PHF21A: variants seen among roughly 807,000 people sequenced by gnomAD.
PHF21A encodes PHD finger protein 21A, also known as BHC80a.
A neutral mutation model predicts 82.5 loss-of-function variants in PHF21A; 11 were observed. The observed-to-expected ratio is 0.13, with a 90% CI of 0.08 to 0.22. The LOEUF is 0.22. PHF21A is among the 10% of genes least tolerant of loss of function. The pLI is 1.00. For missense variants in PHF21A, 579 were observed against 837.8 expected, an observed-to-expected ratio of 0.69 and a Z score of 3.81; for synonymous variants, 297 against 302.8, an observed-to-expected ratio of 0.98 and a Z score of 0.20.
intron 4 of PHF21A, chr11:46,083,692 A>C (rs993045878): frequency 6.6e-6 from 1 of 152,316 alleles, no homozygotes; most frequent in African/African-American, 2.4e-5. Context: ...CTTTTTGTAA[A>C]ATATAAGAAT....
At chr11:46,058,415 C>CT (rs993459545) in intron 6 of PHF21A, among the ~76,000 whole-genome samples, 1 of 152,098 alleles carries the variant, frequency 6.6e-6, no homozygotes, top group African/African-American at 2.4e-5. Flanking sequence ...TAACAGCTGA[C>CT]TAAAAAGGGC....
intron 11 of PHF21A, among the ~76,000 whole-genome samples, chr11:45,951,553 C>T (rs973824207): frequency 6.6e-6 from 1 of 152,192 alleles, no homozygotes; most frequent in Non-Finnish European, 1.5e-5. Flanking sequence ...GTTGAAATGA[C>T]ATACACTTTG....
At chr11:45,986,488 C>T (rs1047268367) in intron 6 of PHF21A, among the ~76,000 whole-genome samples, 5 of 152,036 alleles carry the variant, frequency 3.3e-5, no homozygotes, top group African/African-American at 9.7e-5. Flanking sequence ...TAACATACGA[C>T]GATGCTGCAG....
At chr11:45,973,025 C>T (rs934916527) in intron 7 of PHF21A, among the ~76,000 whole-genome samples, 1 of 152,112 alleles carries the variant, frequency 6.6e-6, no homozygotes, top group African/African-American at 2.4e-5. Context: ...CTGCAGTGAG[C>T]CGAGATCACA....
chr11:45,946,038 C>T lies in PHF21A; in HGVS notation c.1289-35G>A, dbSNP rs373530483. 47 of 1,613,662 alleles carry T rather than the reference C, an allele frequency of 2.9e-5. 1 individual carries two copies. The Middle Eastern group carries it at 9.9e-4, about 34-fold the overall frequency. On this transcript the variant is annotated intron_variant, in intron 14 of 18. Transcript: ENST00000676320. ...AAGAGAAGGGAACAAAAGGGAAAAA[C>T]GGGGAGGGAAAGAGAGGGGGAAAAT...
chr11:45,994,834 T>G (rs1213996112), intron 6 of PHF21A, among the ~76,000 whole-genome samples: 8 of 152,216 alleles, frequency 5.3e-5, no homozygotes, highest in African/African-American at 1.9e-4. Context: ...GACACACTAG[T>G]AACAGTTTGT....
rs57387891 is a variant in PHF21A at position 46,114,086 on chromosome 11, T to TACAC, written c.-237+6845_-237+6848dup. On this transcript the variant is annotated intron_variant, in intron 1 of 18. Transcript: ENST00000676320. ...CCTCCATTCCTCACCTCTAATTCCC[T>TACAC]ACACACACACACACACACGCACACA... is the stretch of plus-strand genomic sequence containing the variant. Among the ~76,000 whole-genome samples the TACAC allele has an allele frequency of 7.5e-3, 1,125 of 149,154 alleles. 14 individuals carry two copies. Among genetic ancestry groups the TACAC allele is most frequent in the African/African-American group, 0.026 (1,035 of 40,224 alleles).
At chr11:46,001,958 T>C (rs940299824) in intron 6 of PHF21A, among the ~76,000 whole-genome samples, 2 of 152,122 alleles carry the variant, frequency 1.3e-5, no homozygotes, top group African/African-American at 4.8e-5. Flanking sequence ...AAAAACTAGA[T>C]GGGGAGAAAA....
intron 6 of PHF21A, among the ~76,000 whole-genome samples, chr11:46,051,220 T>C (rs2096359792): frequency 6.6e-6 from 1 of 152,170 alleles, no homozygotes; most frequent in African/African-American, 2.4e-5. Flanking sequence ...TTATACTAGA[T>C]CTAATCATTG....
intron 1 of PHF21A, among the ~76,000 whole-genome samples, chr11:46,093,082 C>T (rs1331536330): frequency 6.6e-6 from 1 of 152,128 alleles, no homozygotes; most frequent in African/African-American, 2.4e-5. Context: ...GATTGTAAAC[C>T]ACATACACAA....
rs78917538 is a variant in PHF21A, at chr11:46,110,736, C to A, written c.-237+10199G>T. On this transcript the variant is annotated intron_variant, in intron 1 of 18. Transcript: ENST00000676320. ...GAAGCATATCAGACCAGATTCCATA[C>A]ATTTTGGACACATCTAAGGAATCTA... 8.3e-4 allele frequency among the ~76,000 whole-genome samples: 126 copies of A among 152,046 alleles called. 1 individual carries two copies. In the East Asian group the frequency reaches 0.024, roughly 28 times the overall value.
intron 4 of PHF21A, among the ~76,000 whole-genome samples, chr11:46,079,579 G>A (rs1224934043): frequency 6.6e-6 from 1 of 152,172 alleles, no homozygotes; most frequent in African/African-American, 2.4e-5. Context: ...TACAGATTTG[G>A]CAGGTCTATT....
intron 6 of PHF21A, among the ~76,000 whole-genome samples, chr11:46,051,805 G>T (rs1277759267): frequency 2.0e-5 from 3 of 152,204 alleles, no homozygotes; most frequent in East Asian, 1.9e-4. Context: ...AGAAACAAAG[G>T]TGATGGGGGT....
chr11:45,937,136 A>G (rs1433604703), intron 16 of PHF21A, among the ~76,000 whole-genome samples: 1 of 152,238 alleles, frequency 6.6e-6, no homozygotes, highest in Non-Finnish European at 1.5e-5. Context: ...CTGCAGGATG[A>G]GGACAATATT....
At chr11:46,015,653 T>C (rs1404485932) in intron 6 of PHF21A, among the ~76,000 whole-genome samples, 1 of 152,178 alleles carries the variant, frequency 6.6e-6, no homozygotes, top group Non-Finnish European at 1.5e-5. Flanking sequence ...TTTTTAAATA[T>C]TTAAATTTTT....
In PHF21A at chr11:45,974,887, T is replaced by C. The variant is rs534995110; in HGVS notation, c.361-3520A>G. ...GTCCTTTATTTTGACAAAACCCAAA[T>C]TGCATGAGCTAGAAGTTAATGCAGA... On this transcript the variant is annotated intron_variant, in intron 7 of 18. Transcript: ENST00000676320. Among the ~76,000 whole-genome samples the C allele has an allele frequency of 3.3e-4, 51 of 152,342 alleles. No individual in the cohort carries two copies. The South Asian group carries it at 8.1e-3, about 24-fold the overall frequency.
chr11:46,120,805 C>G (rs1853073869), intron 1 of PHF21A, 130 bp downstream of exon 1: 1 of 150,714 alleles, frequency 6.6e-6, no homozygotes, highest in African/African-American at 2.5e-5. Context: ...CAAACACCAG[C>G]GACAAGACAG....
rs552344138 is a variant in PHF21A at position 46,084,070 on chromosome 11, T to G, written c.54+96A>C. ...CTCTTGGACAAAATTGTCTTAAAGA[T>G]TATTAAAAACTATACTAAACACCAG... is the stretch of plus-strand genomic sequence containing the variant. On this transcript the variant is annotated intron_variant, in intron 4 of 18. Transcript: ENST00000676320. The G allele has an allele frequency of 1.1e-5, 10 of 900,778 alleles. No individual in the cohort carries two copies. In the South Asian group the frequency reaches 1.8e-4, roughly 16 times the overall value. The allele number at this position is 900,778 out of a possible 1,614,324, so 55.8% of individuals were successfully genotyped here.
intron 6 of PHF21A, among the ~76,000 whole-genome samples, chr11:45,986,919 A>C (rs537211273): frequency 6.6e-6 from 1 of 152,320 alleles, no homozygotes; most frequent in Admixed American, 6.5e-5. Context: ...CAACTGCCAA[A>C]AAGAAAGTAC....
Sources: allele counts gnomAD v4.1 joint callset (sites outside exome capture counted in the v4.1 genomes callset), GRCh38; gene constraint gnomAD v4.1.1; transcripts MANE v1.5; gene names NCBI Gene and HGNC (gene_info 2026-07-23, HGNC 2026-07-21).